The following CABLES1 variants were observed in gnomAD, a reference collection of about 807,000 sequenced individuals.
CABLES1 encodes Cdk5 and Abl enzyme substrate 1, also known as CDK5 and ABL1 enzyme substrate 1.
Under a neutral mutation model 57.8 loss-of-function variants are expected in CABLES1, and 36 were observed. That is an observed-to-expected ratio of 0.62 (90% CI 0.48 to 0.82). The LOEUF (loss-of-function observed/expected upper bound fraction) is 0.82. Ranked by LOEUF, CABLES1 falls within the 40% of genes least tolerant of loss-of-function variation. The pLI is 0.00. For synonymous variants in CABLES1, 374 were observed against 363.0 expected (o/e 1.03, Z -0.35); for missense variants, 767 against 836.6 (o/e 0.92, Z 1.03).
chr18:23,135,782 C>T lies in CABLES1; in HGVS notation c.20C>T (p.Ala7Val). The change falls in exon 1 of 10, where the codon GCC becomes GTC. Residue 7 changes from alanine (A) to valine (V), a missense_variant. This residue lies in a region of CABLES1 where 198 missense variants were observed against 149.7 expected (regional missense o/e 1.32). Coordinates refer to ENST00000256925, the MANE Select transcript of CABLES1 (RefSeq NM_001100619.3). The part of the protein sequence containing the change: MAAAAA[A>V]ATTAACSSGS... Reference sequence around the variant, plus strand: ...GACACAATGGCGGCGGCGGCGGCGGCCGCCACCACGGCCGCCTGCAGCAGC... The same window carrying T: ...GACACAATGGCGGCGGCGGCGGCGGTCGCCACCACGGCCGCCTGCAGCAGC... 1.0e-6 allele frequency: 1 copy of T among 971,588 alleles called. No individual in the cohort carries two copies. The highest frequency in any genetic ancestry group is 1.2e-6 in the Non-Finnish European group (1 of 819,334). 60.2% of individuals were successfully genotyped at this position (971,588 alleles called of 1,614,324 possible). A position where few individuals can be genotyped will look rare whatever the true frequency, so the allele number is the denominator to read the frequency against.
At chr18:23,244,195 C>A (rs1039174584) in intron 7 of CABLES1, among the ~76,000 whole-genome samples, 3 of 152,066 alleles carry the variant, frequency 2.0e-5, no homozygotes, top group Non-Finnish European at 4.4e-5. Flanking sequence ...GGTGTCATCT[C>A]AAGTGGATGG....
chr18:23,167,551 G>T (rs1378665070), intron 1 of CABLES1, among the ~76,000 whole-genome samples: 1 of 152,144 alleles, frequency 6.6e-6, no homozygotes, highest in Non-Finnish European at 1.5e-5. Context: ...TTGGGGGATT[G>T]GGGGGAGTAC....
intron 2 of CABLES1, among the ~76,000 whole-genome samples, chr18:23,189,703 C>T (rs1014477292): frequency 6.6e-6 from 1 of 152,208 alleles, no homozygotes; most frequent in Non-Finnish European, 1.5e-5. Context: ...TCCTCGAACC[C>T]GCATCTGCAC....
chr18:23,226,980 ACAGATG>A (rs375248813), intron 4 of CABLES1: 59 of 152,268 alleles, frequency 3.9e-4, no homozygotes, highest in African/African-American at 1.4e-3. Context: ...CTTACTTACT[ACAGATG>A]CATCAGAGAC....
chr18:23,183,354 A>C (rs2047180773), intron 1 of CABLES1, among the ~76,000 whole-genome samples: 2 of 152,180 alleles, frequency 1.3e-5, no homozygotes, highest in South Asian at 2.1e-4. Flanking sequence ...GGGAGTATAC[A>C]GTGATTTGCA....
At position 23,259,295 on chromosome 18, in the gene CABLES1, G is replaced by C. The variant is rs551529474; in HGVS notation, c.*1928G>C. The C allele has an allele frequency of 6.6e-6, 1 of 150,982 alleles. No homozygotes were observed. Among genetic ancestry groups the C allele is most frequent in the South Asian group, 2.1e-4 (1 of 4,722 alleles). 9.4% of individuals were successfully genotyped at this position (150,982 alleles called of 1,614,324 possible). ...CTAGAGAGCTCCCCACTGCCCATCT[G>C]CCCCCGAATTTCCTGCCAAGCTCTG... On this transcript the variant is annotated 3_prime_UTR_variant, in exon 10 of 10. Transcript: ENST00000256925.
At chr18:23,185,074 C>T (rs1463624852) in intron 1 of CABLES1, among the ~76,000 whole-genome samples, 1 of 152,144 alleles carries the variant, frequency 6.6e-6, no homozygotes, top group Non-Finnish European at 1.5e-5. Flanking sequence ...GGGGAATTAC[C>T]GAATATGCTG....
chr18:23,249,469 G>A (rs1027340221), intron 7 of CABLES1, among the ~76,000 whole-genome samples: 2 of 152,170 alleles, frequency 1.3e-5, no homozygotes, highest in Non-Finnish European at 2.9e-5. Context: ...GAAATCAGCT[G>A]GAAAACTTGT....
At chr18:23,145,770 C>T (rs2046888280) in intron 1 of CABLES1, among the ~76,000 whole-genome samples, 1 of 152,162 alleles carries the variant, frequency 6.6e-6, no homozygotes, top group African/African-American at 2.4e-5. Flanking sequence ...GCTAGTTTGT[C>T]TTTTCCTCTT....
intron 3 of CABLES1, among the ~76,000 whole-genome samples, chr18:23,209,531 GACCCCTGGGCTGTGGAC>G (rs1287201591): frequency 6.6e-6 from 1 of 152,130 alleles, no homozygotes; most frequent in Non-Finnish European, 1.5e-5. Context: ...GCCTAATACA[GACCCCTGGGCTGTGGAC>G]ACCCCTGGGC....
At chr18:23,201,712 A>G (rs1168829248) in intron 3 of CABLES1, among the ~76,000 whole-genome samples, 1 of 152,206 alleles carries the variant, frequency 6.6e-6, no homozygotes, top group East Asian at 1.9e-4. Context: ...GCTGGCACCT[A>G]CTCTGTGACT....
At chr18:23,144,151 G>A (rs1403255444) in intron 1 of CABLES1, among the ~76,000 whole-genome samples, 4 of 152,212 alleles carry the variant, frequency 2.6e-5, no homozygotes, top group African/African-American at 7.2e-5. Flanking sequence ...CACGCTCCTG[G>A]CTGGGCCTCT....
intron 1 of CABLES1, among the ~76,000 whole-genome samples, chr18:23,188,014 C>G (rs1227587175): frequency 2.6e-5 from 4 of 152,148 alleles, no homozygotes; most frequent in Non-Finnish European, 5.9e-5. Flanking sequence ...TAAGGAACAA[C>G]CCAAACTTTT....
rs922725862 is a variant in CABLES1 at position 23,194,554 on chromosome 18, A to G, written c.1010+14A>G. The G allele has an allele frequency of 6.4e-7, 1 of 1,566,930 alleles. No homozygotes were observed. The highest frequency in any genetic ancestry group is 1.4e-5 in the African/African-American group (1 of 73,926). On this transcript the variant is annotated intron_variant, in intron 3 of 9. Coordinates refer to ENST00000256925, the MANE Select transcript of CABLES1 (RefSeq NM_001100619.3). Reference sequence around the variant, plus strand: ...CAGGAATGGCAGGTACTACATTCACACAGAAGCGGCTGCCAGCACCAGTGG... The same window carrying G: ...CAGGAATGGCAGGTACTACATTCACGCAGAAGCGGCTGCCAGCACCAGTGG...
At chr18:23,156,151 G>C (rs776993587) in intron 1 of CABLES1, among the ~76,000 whole-genome samples, 4 of 152,304 alleles carry the variant, frequency 2.6e-5, no homozygotes, top group South Asian at 2.1e-4. Context: ...GGAACAGAGG[G>C]GGGGCTCCAT....
intron 1 of CABLES1, among the ~76,000 whole-genome samples, chr18:23,154,619 C>T (rs1288350053): frequency 6.6e-6 from 1 of 152,062 alleles, no homozygotes; most frequent in East Asian, 1.9e-4. Flanking sequence ...CTCTTGTATC[C>T]CATATACTCT....
chr18:23,211,172 T>TTA (rs1413244796), intron 3 of CABLES1, among the ~76,000 whole-genome samples: 14 of 151,948 alleles, frequency 9.2e-5, no homozygotes, highest in African/African-American at 3.4e-4. Context: ...GCACTTGCAT[T>TTA]TATATTCTCT....
intron 1 of CABLES1, among the ~76,000 whole-genome samples, chr18:23,183,523 A>T (rs2145008171): frequency 6.6e-6 from 1 of 152,368 alleles, no homozygotes; most frequent in South Asian, 2.1e-4. Flanking sequence ...AGGCTGCCTT[A>T]CGCATGAGCA....
At chr18:23,192,078 C>T (rs1335960475) in intron 2 of CABLES1, among the ~76,000 whole-genome samples, 2 of 152,162 alleles carry the variant, frequency 1.3e-5, no homozygotes, top group Non-Finnish European at 2.9e-5. Flanking sequence ...TCTAGCACAT[C>T]GTGGTTTGTT....
Sources: gnomAD v4.1 joint callset for allele counts (sites outside exome capture counted in the v4.1 genomes callset) on GRCh38, gnomAD v4.1.1 for gene constraint, gnomAD v4.1.1 regional missense constraint, MANE v1.5 for transcripts, NCBI Gene and HGNC (gene_info 2026-07-23, HGNC 2026-07-21) for gene names.